Variants in FBXO32 observed in about 807,000 individuals in gnomAD.
FBXO32 encodes the protein F-box protein 32, also known as F-box only protein 32.
FBXO32 carries 15 observed loss-of-function variants against 48.3 expected under a neutral mutation model. The ratio of observed to expected loss-of-function variants is 0.31; its 90% confidence interval spans 0.21 to 0.48. The LOEUF is 0.48. FBXO32 is among the 20% of genes least tolerant of loss of function. The pLI is 0.99. For synonymous variants in FBXO32, 154 were observed against 165.9 expected, an observed-to-expected ratio of 0.93 and a Z score of 0.55; for missense variants, 309 against 432.7, an observed-to-expected ratio of 0.71 and a Z score of 2.54.
chr8:123,511,482 T>C (rs1419395367), intron 6 of FBXO32, among the ~76,000 whole-genome samples: 1 of 148,798 alleles, frequency 6.7e-6, no homozygotes, highest in South Asian at 2.1e-4. Flanking sequence ...GGTTTTTTGT[T>C]TTTTTTTTTT....
chr8:123,534,300 T>C (rs1335266975), intron 2 of FBXO32, among the ~76,000 whole-genome samples: 1 of 152,168 alleles, frequency 6.6e-6, no homozygotes, highest in Non-Finnish European at 1.5e-5. Flanking sequence ...GATACTTATA[T>C]ATAGTATCTA....
At chr8:123,505,420 A>C (rs1024943802) in intron 7 of FBXO32, among the ~76,000 whole-genome samples, 2 of 151,834 alleles carry the variant, frequency 1.3e-5, no homozygotes, top group African/African-American at 4.8e-5. Context: ...CCATCAGAAT[A>C]AAATGAAATG....
chr8:123,505,443 G>A (rs1816594845), intron 7 of FBXO32, among the ~76,000 whole-genome samples: 1 of 141,976 alleles, frequency 7.0e-6, no homozygotes, highest in African/African-American at 2.6e-5. Context: ...ATCTGTAAAA[G>A]TACTCTACCA....
At chr8:123,537,660 C>T (rs956136648) in intron 1 of FBXO32, among the ~76,000 whole-genome samples, 1 of 152,216 alleles carries the variant, frequency 6.6e-6, no homozygotes, top group Non-Finnish European at 1.5e-5. Context: ...TAGATCGCCA[C>T]ACTCACAAGG....
At chr8:123,519,641 G>C (rs1469179855) in intron 4 of FBXO32, among the ~76,000 whole-genome samples, 1 of 151,730 alleles carries the variant, frequency 6.6e-6, no homozygotes, top group Non-Finnish European at 1.5e-5. Context: ...TGCTCAGAAA[G>C]TGCTACCAGC....
In FBXO32 at chr8:123,513,808, C is replaced by T. The variant is rs1816783217; in HGVS notation, c.467-426G>A. ...TGTGATTATGGACAAATCACTTCTC[C>T]TCATGGGCCTCAGTTTCACCATGTG... On this transcript the variant is annotated intron_variant, in intron 5 of 8. Coordinates refer to ENST00000517956, the MANE Select transcript of FBXO32 (RefSeq NM_058229.4). This position sits in a 1 kb window ranked among gnomAD's most constrained non-coding sequence, Gnocchi z 4.3. 6.6e-6 allele frequency among the ~76,000 whole-genome samples: 1 copy of T among 152,154 alleles called. No homozygotes were observed. The highest frequency in any genetic ancestry group is 2.1e-4 in the South Asian group (1 of 4,824).
chr8:123,511,067 A>G (rs530335634), intron 6 of FBXO32, among the ~76,000 whole-genome samples: 2 of 152,244 alleles, frequency 1.3e-5, no homozygotes, highest in Non-Finnish European at 2.9e-5. Context: ...TCTCTTCTTC[A>G]TGGGATCTCA....
intron 1 of FBXO32, among the ~76,000 whole-genome samples, chr8:123,535,248 GAAAA>G (rs1003698689): frequency 2.1e-5 from 3 of 143,778 alleles, no homozygotes; most frequent in Non-Finnish European, 3.1e-5. Flanking sequence ...TGCTTCTTTA[GAAAA>G]AAAAAAAGTT....
chr8:123,504,485 C>T, intron 8 of FBXO32, 119 bp downstream of exon 8: 4 of 402,802 alleles, frequency 9.9e-6, no homozygotes, highest in Admixed American at 4.8e-5. Context: ...CCCTCACTTT[C>T]AGCTGGGGGC....
Position 123,540,913 on chromosome 8 carries a change from C to T in FBXO32, c.102G>A (p.Val34=). 1 of 1,613,572 alleles carries T rather than the reference C, an allele frequency of 6.2e-7. No individual in the cohort carries two copies. The highest frequency in any genetic ancestry group is 8.5e-7 in the Non-Finnish European group (1 of 1,179,738). The part of the protein sequence containing the change: ...RFLDEKSGSF[V]SDLSSYCNKE... Reference sequence around the variant, plus strand: ...GGTCCCCTCACCTGCTGAGGTCGCTCACGAAACTGCCGCTCTTCTCATCCA... The same window carrying T: ...GGTCCCCTCACCTGCTGAGGTCGCTTACGAAACTGCCGCTCTTCTCATCCA... The change falls in exon 1 of 9, where the codon GTG becomes GTA. Residue 34 remains valine (V), a synonymous_variant. Transcript: ENST00000517956. The surrounding 1 kb of genome is among the most constrained non-coding windows in gnomAD (Gnocchi z 6.4).
At chr8:123,531,635 A>G (rs989036260) in intron 4 of FBXO32, among the ~76,000 whole-genome samples, 4 of 152,172 alleles carry the variant, frequency 2.6e-5, no homozygotes, top group African/African-American at 9.7e-5. Flanking sequence ...TCACTTGAAG[A>G]GAATGGCTCT....
At position 123,540,980 on chromosome 8, in the gene FBXO32, C is replaced by A; in HGVS notation, c.35G>T (p.Gly12Val). 6.2e-7 allele frequency: 1 copy of A among 1,612,944 alleles called. No homozygotes were observed. The highest frequency in any genetic ancestry group is 1.1e-5 in the South Asian group (1 of 91,054). Residue 12 changes from glycine to valine, a missense_variant, in exon 1 of 9, where the codon GGG becomes GTG. Transcript: ENST00000517956. This position sits in a 1 kb window ranked among gnomAD's most constrained non-coding sequence, Gnocchi z 6.4. ...PFLGQDWRSP[G>V]QNWVKTADGW... is the part of the protein sequence containing the mutation. The stretch of plus-strand genomic sequence containing the variant: ...GTCGGCCGTCTTCACCCAGTTCTGC[C>A]CGGGGGACCGCCAGTCCTGCCCGAG...
At position 123,501,272 on chromosome 8, in the gene FBXO32, G is replaced by C. The variant is rs1470166929; in HGVS notation, c.*2101C>G. ...TTTGAGGAAGCTGAGAAATTGGAGAGAACCTGACAATTATAGAAGAAGTAG... is the reference window on the plus strand; with the variant it reads ...TTTGAGGAAGCTGAGAAATTGGAGACAACCTGACAATTATAGAAGAAGTAG... On this transcript the variant is annotated 3_prime_UTR_variant, in exon 9 of 9. Coordinates refer to ENST00000517956, the MANE Select transcript of FBXO32 (RefSeq NM_058229.4). The C allele has an allele frequency of 6.6e-6, 1 of 151,124 alleles. No individual in the cohort carries two copies. The highest frequency in any genetic ancestry group is 1.5e-5 in the Non-Finnish European group (1 of 67,890). 9.4% of individuals were successfully genotyped at this position (151,124 alleles called of 1,614,324 possible). A position where few individuals can be genotyped will look rare whatever the true frequency, so the allele number is the denominator to read the frequency against.
intron 4 of FBXO32, among the ~76,000 whole-genome samples, chr8:123,527,408 T>C (rs1817102461): frequency 6.6e-6 from 1 of 152,216 alleles, no homozygotes; most frequent in Non-Finnish European, 1.5e-5. Context: ...TCAGTTTTTA[T>C]CTTAATTCCA....
chr8:123,513,175 G>A lies in FBXO32; in HGVS notation c.651+23C>T. The A allele has an allele frequency of 1.2e-6, 2 of 1,613,620 alleles. No homozygotes were observed. The highest frequency in any genetic ancestry group is 8.5e-7 in the Non-Finnish European group (1 of 1,179,594). ...CCTGTGGAGGGACCCACTGCCGGGA[G>A]GAGGCTGGGCCTGCCCGCTTACCCT... is the stretch of plus-strand genomic sequence containing the variant. On this transcript the variant is annotated intron_variant, in intron 6 of 8. Transcript: ENST00000517956. This position sits in a 1 kb window ranked among gnomAD's most constrained non-coding sequence, Gnocchi z 4.3.
chr8:123,514,098 G>A (rs1816790100), intron 5 of FBXO32, 142 bp downstream of exon 5: 1 of 619,556 alleles, frequency 1.6e-6, no homozygotes, highest in Non-Finnish European at 2.8e-6. Flanking sequence ...CTGGAATTTA[G>A]TGTCTCTAAA....
At position 123,540,046 on chromosome 8, in the gene FBXO32, C is replaced by T. The variant is rs1817381046; in HGVS notation, c.116+853G>A. On this transcript the variant is annotated intron_variant, in intron 1 of 8. Coordinates refer to ENST00000517956, the MANE Select transcript of FBXO32 (RefSeq NM_058229.4). The surrounding 1 kb of genome is among the most constrained non-coding windows in gnomAD (Gnocchi z 6.4). ...TAGCCAAGCTGAGCAGGGAGCGCAGCGGACCTCAGGTTTCCCGCCAGACCA... is the reference window on the plus strand; with the variant it reads ...TAGCCAAGCTGAGCAGGGAGCGCAGTGGACCTCAGGTTTCCCGCCAGACCA... Among the ~76,000 whole-genome samples, 2 of 152,322 alleles carry T rather than the reference C, an allele frequency of 1.3e-5. No individual in the cohort carries two copies. Among genetic ancestry groups the T allele is most frequent in the Middle Eastern group, 6.8e-3 (2 of 294 alleles).
At chr8:123,533,074 C>T (rs1817241495) in intron 3 of FBXO32, 117 bp downstream of exon 3, 1 of 726,808 alleles carries the variant, frequency 1.4e-6, no homozygotes, top group African/African-American at 1.8e-5. Flanking sequence ...CTGCCATCTC[C>T]CACATCCAAG....
chr8:123,516,029 A>C (rs1265063691), intron 4 of FBXO32, among the ~76,000 whole-genome samples: 1 of 152,188 alleles, frequency 6.6e-6, no homozygotes, highest in Non-Finnish European at 1.5e-5. Context: ...CCTATTGTTG[A>C]AAAATGAAAC....
Sources: allele counts gnomAD v4.1 joint callset (sites outside exome capture counted in the v4.1 genomes callset), GRCh38; gene constraint gnomAD v4.1.1; non-coding constraint Gnocchi (gnomAD v3.1); transcripts MANE v1.5; gene names NCBI Gene and HGNC (gene_info 2026-07-23, HGNC 2026-07-21).